CEP128: variants seen among roughly 807,000 people sequenced by gnomAD.
CEP128 encodes the protein centrosomal protein 128kDa.
A neutral mutation model predicts 156.7 loss-of-function variants in CEP128; 132 were observed. The observed-to-expected ratio is 0.84, with a 90% CI of 0.73 to 0.97. The LOEUF (loss-of-function observed/expected upper bound fraction) is 0.97, where lower values mean the gene tolerates loss of function less well. CEP128 is among the 50% of genes least tolerant of loss of function. The pLI is 0.00. For missense variants in CEP128, 1,252 were observed against 1,281.9 expected, an observed-to-expected ratio of 0.98 and a Z score of 0.36; for synonymous variants, 469 against 448.9, an observed-to-expected ratio of 1.04 and a Z score of -0.57.
rs554346023 is a variant in CEP128, at chr14:80,915,148, C to A, written c.148-740G>T. On this transcript the variant is annotated intron_variant, in intron 3 of 24. Coordinates refer to ENST00000555265, the MANE Select transcript of CEP128 (RefSeq NM_152446.5). ...CTCACTGCAGCCTCAGCTTCCTGGGCTCAAGGAATTCTACACCACTATGCC... is the reference window on the plus strand; with the variant it reads ...CTCACTGCAGCCTCAGCTTCCTGGGATCAAGGAATTCTACACCACTATGCC... Among the ~76,000 whole-genome samples, 4 of 152,106 alleles carry A rather than the reference C, an allele frequency of 2.6e-5. No individual in the cohort carries two copies. The South Asian group carries it at 8.3e-4, about 32-fold the overall frequency.
intron 20 of CEP128, among the ~76,000 whole-genome samples, chr14:80,562,915 C>T (rs144439315): frequency 2.4e-4 from 37 of 151,988 alleles, no homozygotes; most frequent in African/African-American, 7.2e-4. Flanking sequence ...CCTCCTGCCT[C>T]GGCCTCCCCA....
chr14:80,830,148 T>C (rs1885708807), intron 13 of CEP128: 3 of 493,414 alleles, frequency 6.1e-6, no homozygotes, highest in Non-Finnish European at 1.1e-5. Context: ...AGTTGTATAA[T>C]TACCATTGCT....
chr14:80,592,211 T>C (rs2140489613), intron 19 of CEP128, among the ~76,000 whole-genome samples: 1 of 152,248 alleles, frequency 6.6e-6, no homozygotes, highest in Non-Finnish European at 1.5e-5. Context: ...AATCAATGAA[T>C]CCAGGAGCTG....
chr14:80,608,432 C>T (rs1476930791), intron 19 of CEP128, among the ~76,000 whole-genome samples: 1 of 152,158 alleles, frequency 6.6e-6, no homozygotes, highest in African/African-American at 2.4e-5. Flanking sequence ...ACACAGACAA[C>T]ATCTCATTTT....
chr14:80,529,880 C>A (rs1889146936), intron 22 of CEP128, among the ~76,000 whole-genome samples: 7 of 152,138 alleles, frequency 4.6e-5, no homozygotes, highest in Admixed American at 4.6e-4. Context: ...TACTGAACTA[C>A]CAAAAGATGC....
chr14:80,580,312 G>T lies in CEP128; in HGVS notation c.2856+62C>A, dbSNP rs374306696. 3.6e-5 allele frequency: 38 copies of T among 1,046,130 alleles called. No individual in the cohort carries two copies. The African/African-American group carries it at 5.5e-4, about 15-fold the overall frequency. The allele number at this position is 1,046,130 out of a possible 1,614,324, so 64.8% of individuals were successfully genotyped here. On this transcript the variant is annotated intron_variant, in intron 20 of 24. Transcript: ENST00000555265. ...CAGTGTGAATGTGACAATAATAAAGGATAAAAGAGTAAAAAACAAATGTTT... is the reference window on the plus strand; with the variant it reads ...CAGTGTGAATGTGACAATAATAAAGTATAAAAGAGTAAAAAACAAATGTTT...
At chr14:80,895,850 G>T in intron 7 of CEP128, 60 bp from the exon 8 acceptor site, 2 of 1,152,356 alleles carry the variant, frequency 1.7e-6, no homozygotes, top group Non-Finnish European at 2.4e-6. Context: ...CACAGAACGA[G>T]TGAAATGTAT....
At position 80,777,778 on chromosome 14, in the gene CEP128, C is replaced by T. The variant is rs896333919; in HGVS notation, c.2376+104G>A. 3.3e-6 allele frequency: 3 copies of T among 911,504 alleles called. No individual in the cohort carries two copies. In the African/African-American group the frequency reaches 5.1e-5, roughly 15 times the overall value. The allele number at this position is 911,504 out of a possible 1,614,324, so 56.5% of individuals were successfully genotyped here. ...TTTTGGGGGGCACCAATACAACTTC[C>T]CTGTGAAGGACTACAATTATCATTT... On this transcript the variant is annotated intron_variant, in intron 16 of 24. Transcript: ENST00000555265.
intron 19 of CEP128, among the ~76,000 whole-genome samples, chr14:80,659,867 A>G (rs1187235619): frequency 6.6e-6 from 1 of 152,114 alleles, no homozygotes; most frequent in African/African-American, 2.4e-5. Flanking sequence ...CAATTTCTCA[A>G]TTATCATGAC....
chr14:80,735,440 C>G (rs1407062715), intron 19 of CEP128, among the ~76,000 whole-genome samples: 1 of 152,122 alleles, frequency 6.6e-6, no homozygotes, highest in East Asian at 1.9e-4. Flanking sequence ...AAGGTTAATA[C>G]AGTAAAAGTA....
intron 19 of CEP128, among the ~76,000 whole-genome samples, chr14:80,706,422 C>T (rs1566868184): frequency 2.7e-5 from 4 of 150,318 alleles, no homozygotes; most frequent in African/African-American, 9.7e-5. Context: ...TACTTGTACT[C>T]GTGTGTGTGT....
chr14:80,914,337 C>A lies in CEP128; in HGVS notation c.219G>T (p.Ala73=), dbSNP rs760246822. The A allele has an allele frequency of 1.2e-6, 2 of 1,613,140 alleles. No homozygotes were observed. Among genetic ancestry groups the A allele is most frequent in the East Asian group, 2.2e-5 (1 of 44,864 alleles). Residue 73 remains alanine (A), a synonymous_variant, in exon 4 of 25, where the codon GCG becomes GCT. Coordinates refer to ENST00000555265, the MANE Select transcript of CEP128 (RefSeq NM_152446.5). ...AGTTTCTCACATGTTCTATCGCACCCGCCTGTCCATTACTGTATTCTCGGT... is the reference window on the plus strand; with the variant it reads ...AGTTTCTCACATGTTCTATCGCACCAGCCTGTCCATTACTGTATTCTCGGT... The part of the protein sequence containing the change: ...GRYREYSNGQ[A]GAIEHLKESL...
chr14:80,545,916 C>G (rs1889964471), intron 21 of CEP128, among the ~76,000 whole-genome samples: 1 of 152,114 alleles, frequency 6.6e-6, no homozygotes. Flanking sequence ...GGGTCCTACC[C>G]CGGGTCAACT....
chr14:80,610,936 T>C (rs560193193), intron 19 of CEP128, among the ~76,000 whole-genome samples: 1 of 152,136 alleles, frequency 6.6e-6, no homozygotes, highest in Non-Finnish European at 1.5e-5. Context: ...GAACAGCGGG[T>C]GGTATGCCAT....
chr14:80,792,984 C>T lies in CEP128; in HGVS notation c.1336G>A (p.Glu446Lys). 1.2e-6 allele frequency: 2 copies of T among 1,614,174 alleles called. No homozygotes were observed. The highest frequency in any genetic ancestry group is 1.7e-6 in the Non-Finnish European group (2 of 1,180,022). Residue 446 changes from glutamate (E) to lysine (K), a missense_variant, in exon 14 of 25, where the codon GAG (glutamate) becomes AAG (lysine). By Grantham distance (56) the Glu-to-Lys change is moderately conservative (BLOSUM62 1). Coordinates refer to ENST00000555265, the MANE Select transcript of CEP128 (RefSeq NM_152446.5). ...GCATCCTCCGCATGGCGAGTCAGCT[C>T]TGAGATCTGAAGGTCAGCATGCTTA... ...ERKHADLQISELTRHAEDATK... is the reference protein window; with the variant it reads ...ERKHADLQISKLTRHAEDATK...
chr14:80,620,533 C>T (rs1893435354), intron 19 of CEP128, among the ~76,000 whole-genome samples: 1 of 152,128 alleles, frequency 6.6e-6, no homozygotes, highest in African/African-American at 2.4e-5. Flanking sequence ...TAGAATTTGG[C>T]TGACAGAAGA....
chr14:80,580,835 A>G (rs1891561059), intron 19 of CEP128, among the ~76,000 whole-genome samples: 1 of 152,206 alleles, frequency 6.6e-6, no homozygotes, highest in Non-Finnish European at 1.5e-5. Context: ...TTTGCCCTTA[A>G]AACAAGCTCC....
intron 22 of CEP128, among the ~76,000 whole-genome samples, chr14:80,529,936 T>C (rs556199020): frequency 1.3e-5 from 2 of 152,168 alleles, no homozygotes; most frequent in South Asian, 4.2e-4. Context: ...GGGAACCACA[T>C]TATATCAATG....
At chr14:80,788,907 G>A (rs1193134635) in intron 14 of CEP128, among the ~76,000 whole-genome samples, 1 of 152,068 alleles carries the variant, frequency 6.6e-6, no homozygotes, top group Non-Finnish European at 1.5e-5. Flanking sequence ...CCAGCTCTCT[G>A]CAATTTGACA....
Sources: gnomAD v4.1 joint callset for allele counts (sites outside exome capture counted in the v4.1 genomes callset) on GRCh38, gnomAD v4.1.1 for gene constraint, MANE v1.5 for transcripts, NCBI Gene and HGNC (gene_info 2026-07-23, HGNC 2026-07-21) for gene names.